The following OTOA variants were observed in gnomAD, a reference collection of about 807,000 sequenced individuals.
OTOA encodes cancer/testis antigen 108.
A neutral mutation model predicts 110.8 loss-of-function variants in OTOA; 70 were observed. That is an observed-to-expected ratio of 0.63 (90% CI 0.52 to 0.77). OTOA has a LOEUF of 0.77. Among genes scored for constraint, OTOA ranks in the 30% least tolerant of loss-of-function variants. The pLI is 0.00. For synonymous variants in OTOA, 373 were observed against 431.5 expected (o/e 0.86, Z 1.68); for missense variants, 917 against 1,075.8 (o/e 0.85, Z 2.06).
chr16:21,708,456 G>T (rs1160935351), intron 12 of OTOA, among the ~76,000 whole-genome samples: 1 of 152,160 alleles, frequency 6.6e-6, no homozygotes, highest in East Asian at 1.9e-4. Context: ...GGAGTCTGGG[G>T]ATCCCTGGAT....
chr16:21,698,742 C>T (rs1406990976), intron 10 of OTOA, among the ~76,000 whole-genome samples: 2 of 151,970 alleles, frequency 1.3e-5, no homozygotes, highest in Non-Finnish European at 2.9e-5. Context: ...TTTTATAACC[C>T]GCAGTCCTAG....
At chr16:21,719,102 A>T in intron 15 of OTOA, 31 bp from the exon 16 acceptor site, 1 of 1,600,554 alleles carries the variant, frequency 6.2e-7, no homozygotes, top group Non-Finnish European at 8.6e-7. Context: ...TGAGTGTGCC[A>T]TCAGTGCTAA....
chr16:21,675,495 C>T (rs1194797442), intron 1 of OTOA, among the ~76,000 whole-genome samples: 1 of 151,636 alleles, frequency 6.6e-6, no homozygotes, highest in Non-Finnish European at 1.5e-5. Flanking sequence ...CCCCTCCTTT[C>T]CTGGGACTCC....
intron 1 of OTOA, among the ~76,000 whole-genome samples, chr16:21,670,136 AAAC>A (rs554146491): frequency 2.6e-5 from 4 of 151,776 alleles, no homozygotes; most frequent in Admixed American, 2.6e-4. Flanking sequence ...AAACAAAACA[AAAC>A]AAAAACAAAA....
chr16:21,673,141 C>G (rs28810774), intron 1 of OTOA, among the ~76,000 whole-genome samples: 2,791 of 152,222 alleles, frequency 0.018, 104 homozygotes, highest in African/African-American at 0.063. Flanking sequence ...GAGAAAGACT[C>G]TGTCTCTCAA....
intron 15 of OTOA, among the ~76,000 whole-genome samples, chr16:21,718,695 T>A (rs1028164181): frequency 2.6e-5 from 4 of 152,194 alleles, no homozygotes; most frequent in Admixed American, 2.6e-4. Flanking sequence ...AGACAGTGCA[T>A]GCTGCTAGCT....
At chr16:21,718,981 A>G (rs1327145651) in intron 15 of OTOA, 152 bp from the exon 16 acceptor site, 2 of 753,140 alleles carry the variant, frequency 2.7e-6, no homozygotes, top group Non-Finnish European at 4.6e-6. Flanking sequence ...CCACTTAGCA[A>G]TGGTCTAGTC....
At chr16:21,730,811 C>T (rs1468363971) in intron 20 of OTOA, 26 bp from the exon 21 acceptor site, 1 of 1,330,448 alleles carries the variant, frequency 7.5e-7, no homozygotes. Flanking sequence ...TGTTTTTTCA[C>T]TTTACTGGTT....
Position 21,714,009 on chromosome 16 carries a change from C to T in OTOA, c.1321-976C>T, listed in dbSNP as rs555615117. Among the ~76,000 whole-genome samples, 162 of 152,250 alleles carry T rather than the reference C, an allele frequency of 1.1e-3. 1 individual carries two copies. Among genetic ancestry groups the T allele is most frequent in the African/African-American group, 3.4e-3 (143 of 41,548 alleles). On this transcript the variant is annotated intron_variant, in intron 13 of 28. Transcript: ENST00000646100. ...ACTGAGGGGTGAGGCCACTTTTACT[C>T]AGAAGGCAAGAGGTCAAAAGGTCTT...
intron 8 of OTOA, 82 bp downstream of exon 8, chr16:21,687,730 C>T (rs1036006369): frequency 3.3e-6 from 4 of 1,220,244 alleles, no homozygotes; most frequent in Non-Finnish European, 4.6e-6. Context: ...TGCAGTGGTG[C>T]AGTCTCGGCT....
intron 1 of OTOA, among the ~76,000 whole-genome samples, chr16:21,672,426 C>G (rs982587779): frequency 6.6e-6 from 1 of 152,024 alleles, no homozygotes; most frequent in African/African-American, 2.4e-5. Context: ...AGTTCCAGAC[C>G]AGCCTGACCA....
intron 8 of OTOA, 34 bp from the exon 9 acceptor site, chr16:21,691,550 G>T (rs1199304787): frequency 6.4e-7 from 1 of 1,568,266 alleles, no homozygotes. Context: ...CCACCTGCTT[G>T]TTATTAGCTG....
At chr16:21,735,999 A>G (rs1899283255) in intron 21 of OTOA, among the ~76,000 whole-genome samples, 1 of 152,208 alleles carries the variant, frequency 6.6e-6, no homozygotes, top group African/African-American at 2.4e-5. Flanking sequence ...TTAGCACTTC[A>G]TTTTATTTTT....
chr16:21,678,619 G>A lies in OTOA; in HGVS notation c.91+14G>A, dbSNP rs777710266. ...ATTCCAGGCAGGGTAAGTCCTGAGG[G>A]AAGAATCACCCTTTGTGGTTTCCAC... On this transcript the variant is annotated intron_variant, in intron 2 of 28. Transcript: ENST00000646100. The A allele has an allele frequency of 3.7e-6, 6 of 1,604,906 alleles. No individual in the cohort carries two copies. In the African/African-American group the frequency reaches 8.0e-5, roughly 22 times the overall value.
At chr16:21,682,636 A>G (rs771231191) in intron 6 of OTOA, among the ~76,000 whole-genome samples, 1 of 152,230 alleles carries the variant, frequency 6.6e-6, no homozygotes, top group Non-Finnish European at 1.5e-5. Context: ...CTGTTAGCCT[A>G]GTGTGGCATG....
intron 6 of OTOA, 39 bp downstream of exon 6, chr16:21,681,864 T>G: frequency 1.9e-6 from 3 of 1,578,114 alleles, no homozygotes; most frequent in Non-Finnish European, 2.6e-6. Flanking sequence ...CCCATCTCAG[T>G]GCTCAGGGAT....
chr16:21,728,265 A>T lies in OTOA; in HGVS notation c.2041A>T (p.Thr681Ser), dbSNP rs767039643. The T allele has an allele frequency of 1.2e-6, 2 of 1,614,154 alleles. No individual in the cohort carries two copies. Reference sequence around the variant, plus strand: ...GGACGACTCCATTGCTGATGAGTACACTGTGGACATCATGGGGAACCTGCT... The same window carrying T: ...GGACGACTCCATTGCTGATGAGTACTCTGTGGACATCATGGGGAACCTGCT... ...CLDDSIADEY[T>S]VDIMGNLLCH... Residue 681 changes from threonine (T) to serine (S), a missense_variant, in exon 20 of 29, where the codon ACT becomes TCT. Thr to Ser is a moderately conservative substitution (Grantham distance 58). Coordinates refer to ENST00000646100, the MANE Select transcript of OTOA (RefSeq NM_144672.4).
chr16:21,678,863 T>C, intron 2 of OTOA, 52 bp from the exon 3 acceptor site: 1 of 1,599,612 alleles, frequency 6.3e-7, no homozygotes, highest in Non-Finnish European at 8.5e-7. Context: ...ATTTGTAGTT[T>C]TGAAGGTCAC....
At chr16:21,721,528 G>A (rs1234757659) in intron 17 of OTOA, 1 of 455,210 alleles carries the variant, frequency 2.2e-6, no homozygotes, top group Admixed American at 2.4e-5. Flanking sequence ...ATACTGAGGT[G>A]AGCAACTGTG....
Sources: allele counts gnomAD v4.1 joint callset (sites outside exome capture counted in the v4.1 genomes callset), GRCh38; gene constraint gnomAD v4.1.1; transcripts MANE v1.5; gene names NCBI Gene and HGNC (gene_info 2026-07-23, HGNC 2026-07-21).